PER2: variants seen among roughly 807,000 people sequenced by gnomAD.
The protein encoded by PER2 is period circadian protein homolog 2.
A neutral mutation model predicts 121.0 loss-of-function variants in PER2; 66 were observed. That is an observed-to-expected ratio of 0.55 (90% CI 0.45 to 0.67). The LOEUF is 0.67. Among genes scored for constraint, PER2 ranks in the 30% least tolerant of loss-of-function variants. PER2 has a pLI of 0.00. For synonymous variants in PER2, 684 were observed against 659.9 expected, an observed-to-expected ratio of 1.04 and a Z score of -0.56; for missense variants, 1,521 against 1,635.0, an observed-to-expected ratio of 0.93 and a Z score of 1.20.
rs752891200 is a variant in PER2 at position 238,252,997 on chromosome 2, G to A, written c.3026C>T (p.Thr1009Ile). The part of the protein sequence containing the change: ...APEGGTGAMG[T>I]TGATETAAVG... ...AGCTGCTGTCTCTGTGGCCCCTGTG[G>A]TCCCCATGGCTCCAGTGCCACCCTC... Residue 1009 changes from threonine (T) to isoleucine (I), a missense_variant, in exon 19 of 23, where the codon ACC becomes ATC. Transcript: ENST00000254657. This position sits in a 1 kb window ranked among gnomAD's most constrained non-coding sequence, Gnocchi z 4.2. 6.2e-7 allele frequency: 1 copy of A among 1,614,002 alleles called. No individual in the cohort carries two copies. Among genetic ancestry groups the A allele is most frequent in the South Asian group, 1.1e-5 (1 of 91,080 alleles).
At chr2:238,271,084 G>A (rs942753017) in intron 6 of PER2, among the ~76,000 whole-genome samples, 7 of 152,210 alleles carry the variant, frequency 4.6e-5, no homozygotes, top group South Asian at 2.1e-4. Context: ...AATGCCTAAC[G>A]GTTTTCTCTC....
In PER2 at chr2:238,268,081, T is replaced by C; in HGVS notation, c.942A>G (p.Ala314=). 1.9e-6 allele frequency: 3 copies of C among 1,614,110 alleles called. No individual in the cohort carries two copies. Among genetic ancestry groups the C allele is most frequent in the Non-Finnish European group, 2.5e-6 (3 of 1,180,018 alleles). ...AESQLCCLLL[A]ERVHSGYEAP... is the part of the protein sequence containing the mutation. ...CTTCATAACCAGAGTGCACTCTCTC[T>C]GCCAGCAGAAGGCAGCAAAGCTGAC... The change falls in exon 8 of 23, where the codon GCA becomes GCG. Residue 314 remains alanine (A), a synonymous_variant. Transcript: ENST00000254657. This position sits in a 1 kb window ranked among gnomAD's most constrained non-coding sequence, Gnocchi z 4.0.
At chr2:238,285,011 G>A (rs1245790576) in intron 1 of PER2, among the ~76,000 whole-genome samples, 4 of 152,148 alleles carry the variant, frequency 2.6e-5, no homozygotes, top group South Asian at 2.1e-4. Context: ...ACCTCAAGGC[G>A]GGTAGGGGGA....
intron 12 of PER2, 22 bp downstream of exon 12, chr2:238,261,707 G>A (rs1411080796): frequency 1.4e-6 from 2 of 1,470,840 alleles, no homozygotes; most frequent in Admixed American, 2.0e-5. Context: ...CTGGGAGGAG[G>A]ACATGCAGGC....
chr2:238,254,580 G>T (rs1428808598), intron 18 of PER2, among the ~76,000 whole-genome samples: 1 of 152,212 alleles, frequency 6.6e-6, no homozygotes. Flanking sequence ...GGGAACAGTG[G>T]CTAAAGCACT....
chr2:238,249,673 C>G (rs1180916887), intron 21 of PER2, among the ~76,000 whole-genome samples: 3 of 152,228 alleles, frequency 2.0e-5, no homozygotes, highest in Non-Finnish European at 4.4e-5. Context: ...TTATCTGGAA[C>G]TGTAATACCC....
chr2:238,261,792 C>T lies in PER2; in HGVS notation c.1353G>A (p.Glu451=). 6.3e-7 allele frequency: 1 copy of T among 1,577,702 alleles called. No homozygotes were observed. The change falls in exon 12 of 23, where the codon GAG becomes GAA. Residue 451 remains glutamate (E), a synonymous_variant. Coordinates refer to ENST00000254657, the MANE Select transcript of PER2 (RefSeq NM_022817.3). The part of the protein sequence containing the change: ...EDVFAAHPCT[E]EKALHPSIQE... ...GAATGCTGGGGTGCAGGGCCTTCTC[C>T]TCTGTGCAGGGGTGGGCTGCAAACA...
chr2:238,295,923 G>A, the PER2 span: 5 of 227,276 alleles, frequency 2.2e-5, no homozygotes, highest in East Asian at 1.7e-4. Flanking sequence ...TTGCAAGCAC[G>A]GATGGTTTGT....
In PER2 at chr2:238,268,979, AAG is replaced by A. The variant is rs765843357; in HGVS notation, c.773-7_773-6del. The A allele has an allele frequency of 1.9e-6, 3 of 1,608,198 alleles. No individual in the cohort carries two copies. The highest frequency in any genetic ancestry group is 2.2e-5 in the South Asian group (2 of 90,980). ...TGCATTCTTGAGTAAAAGAATCTAA[AAG>A]AGAGAGCCCAAAGTCATTCATCCAA... On this transcript the variant is annotated splice_polypyrimidine_tract_variant and splice_region_variant and intron_variant, in intron 6 of 22. Coordinates refer to ENST00000254657, the MANE Select transcript of PER2 (RefSeq NM_022817.3). This position sits in a 1 kb window ranked among gnomAD's most constrained non-coding sequence, Gnocchi z 4.0.
rs146748723 is a variant in PER2 at position 238,275,118 on chromosome 2, T to C, written c.448+625A>G. Among the ~76,000 whole-genome samples the C allele has an allele frequency of 3.3e-5, 5 of 152,346 alleles. No homozygotes were observed. In the East Asian group the frequency reaches 7.7e-4, roughly 23 times the overall value. ...ACTGATAATAGAATACAGCTACTGCTTCACCTTTAAGCCTCTCAGATTTTT... is the reference window on the plus strand; with the variant it reads ...ACTGATAATAGAATACAGCTACTGCCTCACCTTTAAGCCTCTCAGATTTTT... On this transcript the variant is annotated intron_variant, in intron 4 of 22. Coordinates refer to ENST00000254657, the MANE Select transcript of PER2 (RefSeq NM_022817.3).
chr2:238,265,613 A>C (rs774440714), intron 8 of PER2, 23 bp from the exon 9 acceptor site: 21 of 1,381,728 alleles, frequency 1.5e-5, no homozygotes. Context: ...AATATTGCAC[A>C]CATTTGTGAT....
chr2:238,281,240 G>C (rs1258135148), intron 1 of PER2, among the ~76,000 whole-genome samples: 5 of 152,114 alleles, frequency 3.3e-5, no homozygotes, highest in Non-Finnish European at 7.4e-5. Context: ...TTGACCTCGT[G>C]ATCTGCCCAC....
At chr2:238,272,271 C>G (rs1696313871) in intron 5 of PER2, among the ~76,000 whole-genome samples, 1 of 152,212 alleles carries the variant, frequency 6.6e-6, no homozygotes. Context: ...GGACATGGCA[C>G]CTGGTGTCCA....
intron 9 of PER2, among the ~76,000 whole-genome samples, chr2:238,265,145 C>CCTCTAG (rs1373645253): frequency 6.6e-6 from 1 of 152,242 alleles, no homozygotes; most frequent in African/African-American, 2.4e-5. Context: ...CCTGGAGAAG[C>CCTCTAG]CTCTAGCACA....
chr2:238,269,220 G>A (rs1438566674), intron 6 of PER2, among the ~76,000 whole-genome samples: 3 of 152,230 alleles, frequency 2.0e-5, no homozygotes, highest in Non-Finnish European at 4.4e-5. Context: ...AGCACCAGGA[G>A]GCTTACATTT....
chr2:238,261,709 C>A lies in PER2; in HGVS notation c.1416+20G>T. The A allele has an allele frequency of 6.7e-7, 1 of 1,484,034 alleles. No homozygotes were observed. The highest frequency in any genetic ancestry group is 9.2e-7 in the Non-Finnish European group (1 of 1,085,500). The allele number at this position is 1,484,034 out of a possible 1,614,324, so 91.9% of individuals were successfully genotyped here. ...CTCAGGCTGCTACCTGGGAGGAGGA[C>A]ATGCAGGCACCACACCCACCTGCAG... On this transcript the variant is annotated intron_variant, in intron 12 of 22. Transcript: ENST00000254657.
chr2:238,262,916 A>C (rs1695979123), intron 10 of PER2, 36 bp downstream of exon 10: 2 of 1,433,028 alleles, frequency 1.4e-6, no homozygotes, highest in Admixed American at 1.7e-5. Flanking sequence ...AACTTCCGCC[A>C]AACACTTCAG....
chr2:238,244,310 A>G lies in PER2; in HGVS notation c.*2065T>C, dbSNP rs1695387238. 6.6e-6 allele frequency: 1 copy of G among 152,610 alleles called. No homozygotes were observed. The highest frequency in any genetic ancestry group is 2.4e-5 in the African/African-American group (1 of 41,466). The allele number at this position is 152,610 out of a possible 1,614,324, so 9.5% of individuals were successfully genotyped here. A position where few individuals can be genotyped will look rare whatever the true frequency, so the allele number is the denominator to read the frequency against. On this transcript the variant is annotated 3_prime_UTR_variant, in exon 23 of 23. Transcript: ENST00000254657. ...TGTGTAAGCACACACACTAAAGAAA[A>G]CATGACTTGATGCTTGGCATCACGT...
At chr2:238,282,817 G>A (rs1696669700) in intron 1 of PER2, among the ~76,000 whole-genome samples, 1 of 152,272 alleles carries the variant, frequency 6.6e-6, no homozygotes, top group South Asian at 2.1e-4. Flanking sequence ...AGTGGGAATT[G>A]AGGGGCTGGG....
Sources: allele counts gnomAD v4.1 joint callset (sites outside exome capture counted in the v4.1 genomes callset), GRCh38; gene constraint gnomAD v4.1.1; non-coding constraint Gnocchi (gnomAD v3.1); transcripts MANE v1.5; gene names NCBI Gene and HGNC (gene_info 2026-07-23, HGNC 2026-07-21).